The following KIAA1217 variants were observed in gnomAD, a reference collection of about 807,000 sequenced individuals.
KIAA1217 encodes the protein KIAA1217, also known as sickle tail protein homolog.
Under a neutral mutation model 163.9 loss-of-function variants are expected in KIAA1217, and 88 were observed. The ratio of observed to expected loss-of-function variants is 0.54; its 90% CI spans 0.45 to 0.64. The LOEUF (loss-of-function observed/expected upper bound fraction) is 0.64, where lower values mean the gene tolerates loss of function less well. Ranked by LOEUF, KIAA1217 falls within the 30% of genes least tolerant of loss-of-function variation. The pLI, the probability that KIAA1217 is intolerant of heterozygous loss-of-function variation, is 0.00. For synonymous variants in KIAA1217, 903 were observed against 923.1 expected, an observed-to-expected ratio of 0.98 and a Z score of 0.39; for missense variants, 2,372 against 2,475.0, an observed-to-expected ratio of 0.96 and a Z score of 0.88.
chr10:23,856,476 T>C (rs1365537394), intron 1 of KIAA1217, among the ~76,000 whole-genome samples: 1 of 152,226 alleles, frequency 6.6e-6, no homozygotes, highest in Non-Finnish European at 1.5e-5. Flanking sequence ...GGGACCCACT[T>C]GAGGAGGCAG....
rs1394855250 is a variant in KIAA1217 at position 24,543,887 on chromosome 10, C to T, written c.4617C>T (p.Asn1539=). 6 of 1,614,108 alleles carry T rather than the reference C, an allele frequency of 3.7e-6. No individual in the cohort carries two copies. In the South Asian group the frequency reaches 6.6e-5, roughly 18 times the overall value. The change falls in exon 19 of 21, where the codon AAC becomes AAT. Residue 1539 remains asparagine, a synonymous_variant. Coordinates refer to ENST00000376454, the MANE Select transcript of KIAA1217 (RefSeq NM_019590.5). The part of the protein sequence containing the change: ...ETRNPGGQEM[N]RTELNKFSHV... ...GAAACCCAGGAGGACAGGAAATGAA[C>T]AGAACGGAGCTGAACAAGTTCAGCC...
chr10:23,986,870 G>A (rs1167829819), intron 1 of KIAA1217, among the ~76,000 whole-genome samples: 4 of 152,122 alleles, frequency 2.6e-5, no homozygotes, highest in Non-Finnish European at 4.4e-5. Flanking sequence ...TCTGTCATGC[G>A]TCAGAGTCAA....
chr10:24,368,625 A>G (rs1329540788), intron 2 of KIAA1217, among the ~76,000 whole-genome samples: 4 of 152,178 alleles, frequency 2.6e-5, no homozygotes, highest in Non-Finnish European at 5.9e-5. Flanking sequence ...GTGAATGAGT[A>G]ACTCTCAGAT....
chr10:23,736,204 C>T (rs975546240), intron 1 of KIAA1217, among the ~76,000 whole-genome samples: 1 of 152,214 alleles, frequency 6.6e-6, no homozygotes, highest in Admixed American at 6.5e-5. Flanking sequence ...ACTGTAATGA[C>T]ATTCTCCTGT....
chr10:24,525,824 CA>C (rs200980900), intron 13 of KIAA1217, among the ~76,000 whole-genome samples: 4 of 149,216 alleles, frequency 2.7e-5, no homozygotes, highest in Non-Finnish European at 4.4e-5. Context: ...CCAACTCTAC[CA>C]AAAAAAATAC....
intron 2 of KIAA1217, among the ~76,000 whole-genome samples, chr10:24,284,271 G>A (rs2078298913): frequency 2.0e-5 from 3 of 152,010 alleles, no homozygotes; most frequent in Admixed American, 2.0e-4. Flanking sequence ...GTGCAGATTT[G>A]TTACAAGGGT....
intron 2 of KIAA1217, among the ~76,000 whole-genome samples, chr10:24,236,342 C>T (rs527364978): frequency 1.3e-3 from 194 of 152,238 alleles, no homozygotes; most frequent in Admixed American, 2.5e-3. Flanking sequence ...TCTCCGCCTC[C>T]CAGATTCAAG....
chr10:23,833,887 TA>T (rs1191275222), intron 1 of KIAA1217, among the ~76,000 whole-genome samples: 1 of 152,054 alleles, frequency 6.6e-6, no homozygotes, highest in African/African-American at 2.4e-5. Context: ...AACAGATCTT[TA>T]AAAAATCTGC....
At chr10:24,505,885 C>T (rs1216516056) in intron 9 of KIAA1217, among the ~76,000 whole-genome samples, 3 of 151,946 alleles carry the variant, frequency 2.0e-5, no homozygotes, top group Non-Finnish European at 4.4e-5. Context: ...TGAGATGGCG[C>T]CTCGTGGAAA....
At chr10:23,934,577 ATATATATATATATG>A (rs1843414990) in intron 1 of KIAA1217, among the ~76,000 whole-genome samples, 6 of 57,916 alleles carry the variant, frequency 1.0e-4, no homozygotes, top group African/African-American at 9.0e-4. Context: ...ATATATATAT[ATATATATATATATG>A]TATATATATA....
Position 23,852,530 on chromosome 10 carries a change from G to GT in KIAA1217, c.-320-154688dup, listed in dbSNP as rs1160373315. ...TTTGGTTCCATATGAACTATAAGTA[G>GT]TTTTTTTCCAATTCTGTGAAGAAAG... On this transcript the variant is annotated intron_variant, in intron 1 of 18. Transcript: ENST00000376462. Among the ~76,000 whole-genome samples, 12 of 152,176 alleles carry GT rather than the reference G, an allele frequency of 7.9e-5. No homozygotes were observed. The East Asian group carries it at 2.1e-3, about 27-fold the overall frequency.
At chr10:23,723,984 G>A (rs1403916274) in intron 1 of KIAA1217, among the ~76,000 whole-genome samples, 1 of 152,144 alleles carries the variant, frequency 6.6e-6, no homozygotes, top group African/African-American at 2.4e-5. Flanking sequence ...AGATAAAAGG[G>A]GAGCAGGCAT....
intron 3 of KIAA1217, among the ~76,000 whole-genome samples, chr10:24,403,464 C>G (rs565252648): frequency 1.3e-5 from 2 of 152,240 alleles, no homozygotes; most frequent in South Asian, 4.2e-4. Context: ...TTCTCGAACT[C>G]CTGACCTCAA....
chr10:24,303,369 G>T (rs1033689834), intron 2 of KIAA1217, among the ~76,000 whole-genome samples: 18 of 152,100 alleles, frequency 1.2e-4, no homozygotes, highest in South Asian at 1.0e-3. Context: ...TCTGTAGGGG[G>T]ATAAGGCAAG....
chr10:23,980,588 A>G (rs1055864405), intron 1 of KIAA1217, among the ~76,000 whole-genome samples: 1 of 152,102 alleles, frequency 6.6e-6, no homozygotes, highest in African/African-American at 2.4e-5. Flanking sequence ...TGAAAAAAGG[A>G]GGAAGACAGC....
intron 1 of KIAA1217, among the ~76,000 whole-genome samples, chr10:23,898,403 A>G (rs1841802044): frequency 6.6e-6 from 1 of 151,980 alleles, no homozygotes; most frequent in Non-Finnish European, 1.5e-5. Context: ...GAACACAACT[A>G]TCAACATTGA....
At chr10:24,318,262 G>A (rs755256273) in intron 2 of KIAA1217, among the ~76,000 whole-genome samples, 1 of 152,012 alleles carries the variant, frequency 6.6e-6, no homozygotes, top group Admixed American at 6.6e-5. Context: ...AGATGAATAG[G>A]TAGGTAGATA....
chr10:24,425,357 A>T (rs967196631), intron 3 of KIAA1217, among the ~76,000 whole-genome samples: 4 of 152,188 alleles, frequency 2.6e-5, no homozygotes, highest in Middle Eastern at 6.3e-3. Context: ...CTAAATATAA[A>T]TGTTCACTTT....
intron 5 of KIAA1217, among the ~76,000 whole-genome samples, chr10:24,459,527 T>C (rs2062145762): frequency 6.6e-6 from 1 of 152,166 alleles, no homozygotes; most frequent in East Asian, 1.9e-4. Context: ...CCCTGGGCTT[T>C]GTATATAGGT....
Sources: gnomAD v4.1 joint callset for allele counts (sites outside exome capture counted in the v4.1 genomes callset) on GRCh38, gnomAD v4.1.1 for gene constraint, MANE v1.5 for transcripts, NCBI Gene and HGNC (gene_info 2026-07-23, HGNC 2026-07-21) for gene names.